Variants in SPTBN1 observed in about 807,000 individuals in gnomAD.
SPTBN1 encodes spectrin beta, non-erythrocytic 1.
In SPTBN1, 32 loss-of-function variants were observed where a neutral mutation model predicts 266.4. The ratio of observed to expected loss-of-function variants is 0.12; its 90% CI spans 0.09 to 0.16. The LOEUF is 0.16. SPTBN1 is among the 10% of genes least tolerant of loss of function. The pLI is 1.00. For missense variants in SPTBN1, 2,296 were observed against 3,067.1 expected, an observed-to-expected ratio of 0.75 and a Z score of 5.94; for synonymous variants, 1,336 against 1,162.2, an observed-to-expected ratio of 1.15 and a Z score of -3.04.
At chr2:54,637,850 A>G (rs1679256144) in intron 18 of SPTBN1, 47 bp downstream of exon 18, 4 of 1,454,106 alleles carry the variant, frequency 2.8e-6, no homozygotes, top group East Asian at 2.3e-5. Flanking sequence ...AGTAATAGCA[A>G]TTGCCAGCCA....
rs750488321 is a variant in SPTBN1 at position 54,646,190 on chromosome 2, C to G, written c.4585-4C>G. 10 of 1,608,612 alleles carry G rather than the reference C, an allele frequency of 6.2e-6. No individual in the cohort carries two copies. The South Asian group carries it at 1.1e-4, about 18-fold the overall frequency. ...CCTTTGTGTGTATTTTCCGCTCCCT[C>G]CAGACCCTCCAGAAAGAAATCCAGG... On this transcript the variant is annotated splice_region_variant and splice_polypyrimidine_tract_variant and intron_variant, in intron 22 of 35. Transcript: ENST00000356805. The surrounding 1 kb of genome is among the most constrained non-coding windows in gnomAD (Gnocchi z 4.4).
At chr2:54,504,134 G>T in intron 1 of SPTBN1, among the ~76,000 whole-genome samples, 1 of 152,238 alleles carries the variant, frequency 6.6e-6, no homozygotes. Context: ...TAGGAGAAAA[G>T]TAAGGGAGTA....
intron 1 of SPTBN1, among the ~76,000 whole-genome samples, chr2:54,468,279 C>T (rs1031170675): frequency 2.0e-5 from 3 of 150,606 alleles, no homozygotes; most frequent in Non-Finnish European, 2.9e-5. Flanking sequence ...TGCGCTCCAG[C>T]CTGGGTGACA....
At chr2:54,549,408 T>A (rs1236934719) in intron 2 of SPTBN1, among the ~76,000 whole-genome samples, 2 of 152,208 alleles carry the variant, frequency 1.3e-5, no homozygotes, top group Non-Finnish European at 2.9e-5. Context: ...TTAAGTAAGA[T>A]TCTGTTGTAT....
intron 3 of SPTBN1, among the ~76,000 whole-genome samples, chr2:54,607,628 TAATA>T (rs1337788291): frequency 6.6e-6 from 1 of 152,024 alleles, no homozygotes; most frequent in Non-Finnish European, 1.5e-5. Context: ...AAAAAAAAAT[TAATA>T]AATTAATTTT....
intron 1 of SPTBN1, among the ~76,000 whole-genome samples, chr2:54,480,732 A>C (rs1422835798): frequency 6.6e-6 from 1 of 152,220 alleles, no homozygotes; most frequent in Non-Finnish European, 1.5e-5. Context: ...ACAAAGGCCA[A>C]GATGAAAAAG....
Position 54,649,485 on chromosome 2 carries a change from G to A in SPTBN1, c.5203-130G>A, listed in dbSNP as rs1420268131. The stretch of plus-strand genomic sequence containing the variant: ...AGAGGTTCTCGAGCTAAGATCTATT[G>A]TTCTGAAGTCATGAGTATTATTGGC... On this transcript the variant is annotated intron_variant, in intron 25 of 35. Transcript: ENST00000356805. The surrounding 1 kb of genome is among the most constrained non-coding windows in gnomAD (Gnocchi z 6.7). The A allele has an allele frequency of 2.9e-6, 4 of 1,384,866 alleles. No homozygotes were observed. Among genetic ancestry groups the A allele is most frequent in the Non-Finnish European group, 3.9e-6 (4 of 1,036,086 alleles). 85.8% of individuals were successfully genotyped at this position (1,384,866 alleles called of 1,614,324 possible).
chr2:54,544,935 C>G (rs1198996138), intron 2 of SPTBN1, among the ~76,000 whole-genome samples: 1 of 152,150 alleles, frequency 6.6e-6, no homozygotes, highest in East Asian at 1.9e-4. Flanking sequence ...CAGCCCCCCA[C>G]TCCCCAGTAG....
chr2:54,472,731 A>G (rs1693994199), intron 1 of SPTBN1, among the ~76,000 whole-genome samples: 2 of 152,122 alleles, frequency 1.3e-5, no homozygotes. Context: ...TGTGGGACTA[A>G]TCTAAACAGC....
At chr2:54,644,955 G>T (rs1270017310) in intron 20 of SPTBN1, among the ~76,000 whole-genome samples, 1 of 152,210 alleles carries the variant, frequency 6.6e-6, no homozygotes, top group Non-Finnish European at 1.5e-5. Flanking sequence ...ATTTGTGACA[G>T]TTATCTGAGT....
At chr2:54,535,964 G>A (rs1342477822) in intron 2 of SPTBN1, among the ~76,000 whole-genome samples, 1 of 152,246 alleles carries the variant, frequency 6.6e-6, no homozygotes, top group Non-Finnish European at 1.5e-5. Flanking sequence ...AAGTTGCAGT[G>A]AGCCAAGATT....
intron 24 of SPTBN1, among the ~76,000 whole-genome samples, chr2:54,647,585 T>G (rs1680004124): frequency 6.6e-6 from 1 of 152,172 alleles, no homozygotes; most frequent in African/African-American, 2.4e-5. Flanking sequence ...ACACTTGTAA[T>G]CCCAGCACTT....
chr2:54,628,893 C>G lies in SPTBN1; in HGVS notation c.1799-40C>G. On this transcript the variant is annotated intron_variant, in intron 13 of 35. Transcript: ENST00000356805. This position sits in a 1 kb window ranked among gnomAD's most constrained non-coding sequence, Gnocchi z 4.3. ...CCAGTGAGCCTGCACCCATGCTGAGCTCCCTCACACAGCCACGTTCCTTCC... is the reference window on the plus strand; with the variant it reads ...CCAGTGAGCCTGCACCCATGCTGAGGTCCCTCACACAGCCACGTTCCTTCC... 6.5e-7 allele frequency: 1 copy of G among 1,538,586 alleles called. No individual in the cohort carries two copies. Among genetic ancestry groups the G allele is most frequent in the Non-Finnish European group, 8.7e-7 (1 of 1,144,454 alleles).
intron 1 of SPTBN1, among the ~76,000 whole-genome samples, chr2:54,502,591 T>G (rs367629286): frequency 3.3e-5 from 5 of 152,208 alleles, no homozygotes; most frequent in South Asian, 2.1e-4. Context: ...AAGGTTCTTG[T>G]ACATCAGGAA....
chr2:54,659,612 A>G (rs1009611392), intron 31 of SPTBN1, among the ~76,000 whole-genome samples: 1 of 150,766 alleles, frequency 6.6e-6, no homozygotes, highest in Admixed American at 6.6e-5. Context: ...GCGTTTTTTG[A>G]GAGTTCTAAG....
intron 17 of SPTBN1, among the ~76,000 whole-genome samples, chr2:54,634,814 C>G (rs900799636): frequency 1.3e-5 from 2 of 152,218 alleles, no homozygotes; most frequent in Non-Finnish European, 2.9e-5. Flanking sequence ...AACAAAGACA[C>G]TGACTCTAAC....
intron 2 of SPTBN1, among the ~76,000 whole-genome samples, chr2:54,539,280 AT>A (rs984672507): frequency 5.1e-4 from 77 of 152,306 alleles, no homozygotes; most frequent in African/African-American, 1.7e-3. Context: ...AGAGCTATTA[AT>A]TATCACTTTC....
chr2:54,477,224 G>A lies in SPTBN1; in HGVS notation c.-48+20706G>A, dbSNP rs376382005. On this transcript the variant is annotated intron_variant, in intron 1 of 35. Coordinates refer to ENST00000356805, the MANE Select transcript of SPTBN1 (RefSeq NM_003128.3). ...TTGTTGCCAGGGATTTTATGCCTGC[G>A]TATGTAACAAATCTTAGTATGGAAG... is the stretch of plus-strand genomic sequence containing the variant. 7.9e-5 allele frequency among the ~76,000 whole-genome samples: 12 copies of A among 152,212 alleles called. No individual in the cohort carries two copies. The South Asian group carries it at 8.3e-4, about 11-fold the overall frequency.
At chr2:54,599,999 G>A (rs1175753960) in intron 3 of SPTBN1, among the ~76,000 whole-genome samples, 3 of 152,216 alleles carry the variant, frequency 2.0e-5, no homozygotes, top group African/African-American at 7.2e-5. Context: ...GCCATAGGTG[G>A]AAGTGGTGCC....
Sources: gnomAD v4.1 joint callset for allele counts (sites outside exome capture counted in the v4.1 genomes callset) on GRCh38, gnomAD v4.1.1 for gene constraint, Gnocchi (gnomAD v3.1) non-coding constraint, MANE v1.5 for transcripts, NCBI Gene and HGNC (gene_info 2026-07-23, HGNC 2026-07-21) for gene names.